Variants in CLYBL observed in about 807,000 individuals in gnomAD.
The protein encoded by CLYBL is citramalyl-CoA lyase.
Under a neutral mutation model 38.9 loss-of-function variants are expected in CLYBL, and 31 were observed. The ratio of observed to expected loss-of-function variants is 0.80; its 90% CI spans 0.60 to 1.08. The LOEUF is 1.08. Ranked by LOEUF, CLYBL falls within the 50% of genes least tolerant of loss-of-function variation. The pLI, the probability that CLYBL is intolerant of heterozygous loss-of-function variation, is 0.00. For synonymous variants in CLYBL, 171 were observed against 158.6 expected (o/e 1.08, Z -0.59); for missense variants, 434 against 411.6 (o/e 1.05, Z -0.47).
At chr13:99,692,300 G>GTT (rs1566611548) in intron 1 of CLYBL, among the ~76,000 whole-genome samples, 1 of 127,464 alleles carries the variant, frequency 7.8e-6, no homozygotes, top group African/African-American at 2.7e-5. Context: ...TTTTTTTTTT[G>GTT]TTTGTTTTTT....
At chr13:99,790,606 T>G (rs2049894441) in intron 2 of CLYBL, among the ~76,000 whole-genome samples, 1 of 152,198 alleles carries the variant, frequency 6.6e-6, no homozygotes, top group South Asian at 2.1e-4. Flanking sequence ...TATGGGTGAC[T>G]CTGGCTTAGT....
intron 1 of CLYBL, among the ~76,000 whole-genome samples, chr13:99,754,813 C>T (rs1207370898): frequency 1.1e-4 from 16 of 144,558 alleles, no homozygotes; most frequent in Admixed American, 1.0e-3. Context: ...AGACTGGTCT[C>T]GAACTCCTGA....
chr13:99,773,041 A>G (rs1302823924), intron 2 of CLYBL, 31 bp downstream of exon 2: 2 of 1,583,594 alleles, frequency 1.3e-6, no homozygotes, highest in African/African-American at 2.7e-5. Context: ...TGAGAAAAAG[A>G]AAGGTATTGA....
At chr13:99,667,257 G>C (rs1216766058) in intron 1 of CLYBL, among the ~76,000 whole-genome samples, 2 of 152,120 alleles carry the variant, frequency 1.3e-5, no homozygotes, top group African/African-American at 4.8e-5. Flanking sequence ...ACCATCCCTT[G>C]AGGATGGAGC....
At chr13:99,738,769 G>A (rs17577167) in intron 1 of CLYBL, among the ~76,000 whole-genome samples, 42,977 of 151,668 alleles carry the variant, frequency 0.28, 7,379 homozygotes, top group Non-Finnish European at 0.39. Context: ...TGTGGAGCTC[G>A]ATAAATTCTT....
At chr13:99,793,012 C>T (rs2049948692) in intron 2 of CLYBL, among the ~76,000 whole-genome samples, 1 of 147,120 alleles carries the variant, frequency 6.8e-6, no homozygotes, top group Non-Finnish European at 1.5e-5. Flanking sequence ...TATACTTCTT[C>T]TTGTGCACAT....
chr13:99,856,588 A>G (rs2051463945), intron 2 of CLYBL, among the ~76,000 whole-genome samples: 1 of 152,134 alleles, frequency 6.6e-6, no homozygotes, highest in Admixed American at 6.5e-5. Context: ...CTCCACAGCC[A>G]TGGATCTAAA....
At chr13:99,810,411 T>C (rs560286195) in intron 2 of CLYBL, among the ~76,000 whole-genome samples, 12 of 151,898 alleles carry the variant, frequency 7.9e-5, no homozygotes, top group Non-Finnish European at 8.8e-5. Context: ...AAGTGTGGGG[T>C]ACAGTGGGGA....
chr13:99,774,622 G>A (rs1026551098), intron 2 of CLYBL, among the ~76,000 whole-genome samples: 8 of 152,038 alleles, frequency 5.3e-5, no homozygotes, highest in African/African-American at 1.7e-4. Context: ...TGGATTAATT[G>A]CTTTTTCTGG....
At chr13:99,708,396 C>T (rs1251587574) in intron 1 of CLYBL, among the ~76,000 whole-genome samples, 1 of 152,102 alleles carries the variant, frequency 6.6e-6, no homozygotes, top group Non-Finnish European at 1.5e-5. Flanking sequence ...CTCACTTGGC[C>T]ATTTATGCAT....
At chr13:99,767,377 A>T (rs2049289624) in intron 1 of CLYBL, among the ~76,000 whole-genome samples, 1 of 152,154 alleles carries the variant, frequency 6.6e-6, no homozygotes, top group African/African-American at 2.4e-5. Context: ...CCATTTCAGA[A>T]CTGGAAGTCT....
At position 99,825,800 on chromosome 13, in the gene CLYBL, G is replaced by A. The variant is rs148241602; in HGVS notation, c.250-33061G>A. On this transcript the variant is annotated intron_variant, in intron 2 of 8. Coordinates refer to ENST00000339105, the MANE Select transcript of CLYBL (RefSeq NM_206808.5). ...TGCCATTCCTGCACTGGCCGTGATT[G>A]TAGTAAGTCCCTCATGGACACTGGT... is the stretch of plus-strand genomic sequence containing the variant. 3.3e-3 allele frequency among the ~76,000 whole-genome samples: 501 copies of A among 152,354 alleles called. 3 individuals carry two copies. The highest frequency in any genetic ancestry group is 0.011 in the African/African-American group (451 of 41,588).
At chr13:99,770,080 C>CTTTTTTTTTTTTTTTT (rs3033589) in intron 1 of CLYBL, among the ~76,000 whole-genome samples, 1 of 103,182 alleles carries the variant, frequency 9.7e-6, no homozygotes, top group Non-Finnish European at 1.9e-5. Flanking sequence ...TCTTTTCTTT[C>CTTTTTTTTTTTTTTTT]TTTTTTTTTT....
intron 1 of CLYBL, among the ~76,000 whole-genome samples, chr13:99,679,193 C>G (rs1378759678): frequency 4.6e-5 from 7 of 150,732 alleles, no homozygotes; most frequent in Non-Finnish European, 8.8e-5. Context: ...ACTTGGGAGG[C>G]TGAGGCAGGA....
intron 1 of CLYBL, among the ~76,000 whole-genome samples, chr13:99,742,602 T>G (rs1052540732): frequency 1.3e-5 from 2 of 152,230 alleles, no homozygotes; most frequent in Non-Finnish European, 2.9e-5. Context: ...AAAGATGATT[T>G]AAGTAAATCA....
chr13:99,622,563 C>G lies in CLYBL; in HGVS notation c.62+15806C>G, dbSNP rs1342554004. 2.0e-5 allele frequency among the ~76,000 whole-genome samples: 3 copies of G among 152,206 alleles called. No individual in the cohort carries two copies. The East Asian group carries it at 5.8e-4, about 29-fold the overall frequency. On this transcript the variant is annotated intron_variant, in intron 1 of 8. Transcript: ENST00000339105. ...ATTGTTTACATGTATGGGTGCCCCT[C>G]CAGGCAATATTCAAGTGTACTCTTC...
At chr13:99,785,823 C>T (rs2049778918) in intron 2 of CLYBL, among the ~76,000 whole-genome samples, 2 of 152,168 alleles carry the variant, frequency 1.3e-5, no homozygotes, top group South Asian at 4.2e-4. Context: ...GTCTTGAACT[C>T]CTGACCTCGT....
intron 2 of CLYBL, among the ~76,000 whole-genome samples, chr13:99,813,836 C>G (rs745691164): frequency 5.9e-5 from 9 of 152,192 alleles, no homozygotes; most frequent in Non-Finnish European, 1.2e-4. Context: ...GCAAGTCCTT[C>G]TGCCTCTGAG....
intron 2 of CLYBL, among the ~76,000 whole-genome samples, chr13:99,844,843 G>A (rs2051163288): frequency 6.6e-6 from 1 of 152,222 alleles, no homozygotes; most frequent in African/African-American, 2.4e-5. Context: ...CAAAGTCACT[G>A]TCAACCAGGG....
Sources: gnomAD v4.1 joint callset for allele counts (sites outside exome capture counted in the v4.1 genomes callset) on GRCh38, gnomAD v4.1.1 for gene constraint, MANE v1.5 for transcripts, NCBI Gene and HGNC (gene_info 2026-07-23, HGNC 2026-07-21) for gene names.